Variants in ZDHHC15 observed in about 807,000 individuals in gnomAD.
The protein encoded by ZDHHC15 is zDHHC palmitoyltransferase 15, also known as palmitoyltransferase ZDHHC15.
Under a neutral mutation model 31.7 loss-of-function variants are expected in ZDHHC15, and 19 were observed. The ratio of observed to expected loss-of-function variants is 0.60; its 90% CI spans 0.42 to 0.88. The LOEUF is 0.88. ZDHHC15 is among the 40% of genes least tolerant of loss of function. The pLI is 0.00. For missense variants in ZDHHC15, 209 were observed against 251.2 expected (o/e 0.83, Z 1.14); for synonymous variants, 103 against 90.0 (o/e 1.14, Z -0.82).
intron 10 of ZDHHC15, among the ~76,000 whole-genome samples, chrX:75,381,625 C>T (rs1399761585): frequency 9.0e-6 from 1 of 111,586 alleles, no homozygotes; most frequent in Non-Finnish European, 1.9e-5. Flanking sequence ...AACTTAATAG[C>T]TATTTTCTAT....
intron 4 of ZDHHC15, among the ~76,000 whole-genome samples, chrX:75,442,839 A>G (rs1452018199): frequency 1.9e-5 from 2 of 107,266 alleles, no homozygotes; most frequent in Non-Finnish European, 3.9e-5. Flanking sequence ...ACAAAAAATT[A>G]GCCGGGCACG....
intron 10 of ZDHHC15, among the ~76,000 whole-genome samples, chrX:75,394,774 G>A (rs982469286): frequency 9.0e-6 from 1 of 111,521 alleles, no homozygotes; most frequent in Non-Finnish European, 1.9e-5. Flanking sequence ...AATAACAGCT[G>A]GAGACTTCAA....
intron 8 of ZDHHC15, among the ~76,000 whole-genome samples, chrX:75,424,010 C>G (rs2083681534): frequency 9.0e-6 from 1 of 110,992 alleles, no homozygotes; most frequent in Admixed American, 9.6e-5. Context: ...TACTGGAATC[C>G]ATCAGTAATA....
At chrX:75,511,499 T>G (rs2085272365) in intron 1 of ZDHHC15, among the ~76,000 whole-genome samples, 1 of 67,262 alleles carries the variant, frequency 1.5e-5, no homozygotes, top group East Asian at 5.5e-4. Context: ...ATGAGTAGGT[T>G]GCGAAAATTT....
rs147809205 is a variant in ZDHHC15 at position 75,462,434 on chromosome X, A to T, written c.259-11512T>A. 1.3e-3 allele frequency among the ~76,000 whole-genome samples: 144 copies of T among 112,590 alleles called. No individual in the cohort carries two copies. The East Asian group carries it at 0.034, about 26-fold the overall frequency. ...TCTGGATCAAGAGGACCTGATAGAT[A>T]TCTACAGAACTCTTCAGCCATAAAC... is the stretch of plus-strand genomic sequence containing the variant. On this transcript the variant is annotated intron_variant, in intron 3 of 11. Transcript: ENST00000373367.
Position 75,371,183 on chromosome X carries a change from C to A in ZDHHC15, c.*1795G>T, listed in dbSNP as rs2083003282. The A allele has an allele frequency of 9.0e-6, 1 of 111,707 alleles. No individual in the cohort carries two copies. The highest frequency in any genetic ancestry group is 9.5e-5 in the Admixed American group (1 of 10,494). The allele number at this position is 111,707 out of a possible 1,213,427, so 9.2% of individuals were successfully genotyped here. A position where few individuals can be genotyped will look rare whatever the true frequency, so the allele number is the denominator to read the frequency against. ...TATATGAATAGAAGACAAGGCTTGT[C>A]TGTCATAAAACCATGGGAATGGCCA... is the stretch of plus-strand genomic sequence containing the variant. On this transcript the variant is annotated 3_prime_UTR_variant, in exon 12 of 12. Transcript: ENST00000373367.
At chrX:75,505,914 AAATT>A in intron 1 of ZDHHC15, 67 bp from the exon 2 acceptor site, 1 of 986,328 alleles carries the variant, frequency 1.0e-6, no homozygotes, top group Non-Finnish European at 1.4e-6. Context: ...AGAGAGAGAG[AAATT>A]AGTTATATTT....
At chrX:75,412,011 G>C (rs763174038) in intron 10 of ZDHHC15, among the ~76,000 whole-genome samples, 2 of 111,957 alleles carry the variant, frequency 1.8e-5, no homozygotes, top group Non-Finnish European at 3.8e-5. Context: ...TGGCCAACAG[G>C]TGTGTGAAAG....
chrX:75,397,337 AATT>A (rs1362770879), intron 10 of ZDHHC15, among the ~76,000 whole-genome samples: 1 of 109,705 alleles, frequency 9.1e-6, no homozygotes, highest in African/African-American at 3.3e-5. Context: ...AAAAAAAAAA[AATT>A]GTTAGAATAA....
chrX:75,386,613 C>T (rs1328466737), intron 10 of ZDHHC15, among the ~76,000 whole-genome samples: 10 of 110,012 alleles, frequency 9.1e-5, no homozygotes, highest in Non-Finnish European at 1.5e-4. Flanking sequence ...GTAGCTGGGA[C>T]TACAGATGCA....
chrX:75,444,671 TA>T (rs1569332626), intron 4 of ZDHHC15, among the ~76,000 whole-genome samples: 2 of 69,173 alleles, frequency 2.9e-5, no homozygotes, highest in African/African-American at 1.1e-4. Flanking sequence ...TATATATATA[TA>T]TATATATATA....
intron 2 of ZDHHC15, among the ~76,000 whole-genome samples, chrX:75,484,994 A>G (rs893205931): frequency 8.9e-6 from 1 of 111,989 alleles, no homozygotes; most frequent in Non-Finnish European, 1.9e-5. Context: ...TTCAATTTAT[A>G]TAACTATGGG....
intron 1 of ZDHHC15, among the ~76,000 whole-genome samples, chrX:75,511,498 T>C (rs2085272328): frequency 1.5e-5 from 1 of 67,074 alleles, no homozygotes; most frequent in Admixed American, 1.9e-4. Flanking sequence ...GATGAGTAGG[T>C]TGCGAAAATT....
chrX:75,447,950 T>A lies in ZDHHC15; in HGVS notation c.379+2852A>T, dbSNP rs919695762. ...ATGAAGTGTAAATTAGACTTAATAG[T>A]CCAATTTTGTTAGTGGGTAACTAAA... is the stretch of plus-strand genomic sequence containing the variant. On this transcript the variant is annotated intron_variant, in intron 4 of 11. Coordinates refer to ENST00000373367, the MANE Select transcript of ZDHHC15 (RefSeq NM_144969.3). Among the ~76,000 whole-genome samples, 10 of 111,069 alleles carry A rather than the reference T, an allele frequency of 9.0e-5. No individual in the cohort carries two copies. The Admixed American group carries it at 9.6e-4, about 11-fold the overall frequency.
chrX:75,377,431 G>A lies in ZDHHC15; in HGVS notation c.*32+1689C>T, dbSNP rs776479875. 3.7e-5 allele frequency among the ~76,000 whole-genome samples: 4 copies of A among 109,382 alleles called. No homozygotes were observed. In the South Asian group the frequency reaches 1.6e-3, roughly 44 times the overall value. 95.0% of individuals were successfully genotyped at this position (109,382 alleles called of 115,157 possible). On this transcript the variant is annotated intron_variant, in intron 11 of 11. Coordinates refer to ENST00000373367, the MANE Select transcript of ZDHHC15 (RefSeq NM_144969.3). ...GAATCACTTGAACCTGGGAGGTGGA[G>A]GTTGCAGTGAGCCGAGATCACTCCA...
intron 10 of ZDHHC15, among the ~76,000 whole-genome samples, chrX:75,386,539 G>A (rs2083181789): frequency 9.0e-6 from 1 of 111,251 alleles, no homozygotes; most frequent in African/African-American, 3.3e-5. Flanking sequence ...GCAGTTGTGT[G>A]GTCAGTTTAC....
At chrX:75,478,735 C>T (rs754141885) in intron 3 of ZDHHC15, among the ~76,000 whole-genome samples, 156 bp downstream of exon 3, 6 of 111,360 alleles carry the variant, frequency 5.4e-5, no homozygotes, top group Non-Finnish European at 9.4e-5. Context: ...CCTTCAATAG[C>T]CTATCCTACC....
At chrX:75,426,828 C>T (rs1046075935) in intron 7 of ZDHHC15, among the ~76,000 whole-genome samples, 3 of 110,937 alleles carry the variant, frequency 2.7e-5, no homozygotes, top group African/African-American at 9.8e-5. Flanking sequence ...GCTTAGGGTC[C>T]GACTTAGGTG....
rs948749273 is a variant in ZDHHC15, at chrX:75,479,064, G to A, written c.164-79C>T. 2.9e-5 allele frequency: 19 copies of A among 656,618 alleles called. No homozygotes were observed. In the African/African-American group the frequency reaches 3.5e-4, roughly 12 times the overall value. The allele number at this position is 656,618 out of a possible 1,213,427, so 54.1% of individuals were successfully genotyped here. A position where few individuals can be genotyped will look rare whatever the true frequency, so the allele number is the denominator to read the frequency against. On this transcript the variant is annotated intron_variant, in intron 2 of 11. Transcript: ENST00000373367. The stretch of plus-strand genomic sequence containing the variant: ...ATTCAAAAATACAAAGCTCCATGAC[G>A]AATTTTTATTGTTTTCTTATTAACA...
Sources: gnomAD v4.1 joint callset for allele counts (sites outside exome capture counted in the v4.1 genomes callset) on GRCh38, gnomAD v4.1.1 for gene constraint, MANE v1.5 for transcripts, NCBI Gene and HGNC (gene_info 2026-07-23, HGNC 2026-07-21) for gene names.